Variants in NECTIN3 observed in about 807,000 individuals in gnomAD.
NECTIN3 encodes the protein nectin cell adhesion molecule 3, also known as nectin-3.
Under a neutral mutation model 49.4 loss-of-function variants are expected in NECTIN3, and 8 were observed. The observed-to-expected ratio is 0.16, with a 90% CI of 0.10 to 0.29. The LOEUF is 0.29. Among genes scored for constraint, NECTIN3 ranks in the 10% least tolerant of loss-of-function variants. The pLI, the probability that NECTIN3 is intolerant of heterozygous loss-of-function variation, is 1.00. For missense variants in NECTIN3, 581 were observed against 654.6 expected (o/e 0.89, Z 1.23); for synonymous variants, 277 against 241.1 (o/e 1.15, Z -1.38).
Position 111,137,375 on chromosome 3 carries a change from A to G in NECTIN3, c.*3160A>G, listed in dbSNP as rs2034617242. 2.4e-5 allele frequency: 23 copies of G among 962,654 alleles called. No individual in the cohort carries two copies. The highest frequency in any genetic ancestry group is 2.7e-5 in the Non-Finnish European group (22 of 809,942). The allele number at this position is 962,654 out of a possible 1,614,324, so 59.6% of individuals were successfully genotyped here. ...AGCTCCTTTCTCAAATTTTTTGTATATTGTGTTTGTGTTTGGGTTTTAGTT... is the reference window on the plus strand; with the variant it reads ...AGCTCCTTTCTCAAATTTTTTGTATGTTGTGTTTGTGTTTGGGTTTTAGTT... On this transcript the variant is annotated 3_prime_UTR_variant, in exon 6 of 6. Transcript: ENST00000485303.
chr3:111,187,725 A>G (rs1177938596), upstream of NECTIN3, among the ~76,000 whole-genome samples: 1 of 152,254 alleles, frequency 6.6e-6, no homozygotes, highest in Non-Finnish European at 1.5e-5. Flanking sequence ...TTTCCACTAT[A>G]TGATACTGTG....
chr3:111,172,746 C>G (rs1420077414), intron 7 of NECTIN3, among the ~76,000 whole-genome samples: 2 of 152,142 alleles, frequency 1.3e-5, no homozygotes, highest in Non-Finnish European at 2.9e-5. Context: ...CCTTGATCTG[C>G]CATTTACCAT....
At chr3:111,072,405 CGGGTCGCCGTGCGGATGGCCGA>C (rs1559759124) in intron 1 of NECTIN3, 2 of 1,519,116 alleles carry the variant, frequency 1.3e-6, no homozygotes, top group Non-Finnish European at 8.8e-7. Context: ...CGCGGCCGCG[CGGGTCGCCGTGCGGATGGCCGA>C]GGGTTGGCGA....
rs372187773 is a variant in NECTIN3, at chr3:111,124,605, G to A, written c.918-1579G>A. Among the ~76,000 whole-genome samples, 8 of 152,166 alleles carry A rather than the reference G, an allele frequency of 5.3e-5. No individual in the cohort carries two copies. The East Asian group carries it at 1.2e-3, about 22-fold the overall frequency. The stretch of plus-strand genomic sequence containing the variant: ...AAAAAGGTTAGGTGCTTTTGTTTTC[G>A]TTTTTTAAACCATGTAAGCATATTA... On this transcript the variant is annotated intron_variant, in intron 4 of 5. Transcript: ENST00000485303.
At chr3:111,140,455 G>A (rs1170662625), downstream of NECTIN3, among the ~76,000 whole-genome samples, 2 of 151,610 alleles carry the variant, frequency 1.3e-5, no homozygotes, top group African/African-American at 4.8e-5. Flanking sequence ...TTAAGAGTAA[G>A]ATATTTGTAT....
intron 5 of NECTIN3, 66 bp downstream of exon 5, chr3:111,126,401 T>C: frequency 7.4e-7 from 1 of 1,349,468 alleles, no homozygotes; most frequent in Non-Finnish European, 1.0e-6. Context: ...AGTAACAATA[T>C]GATCCTAAGC....
chr3:111,193,393 C>G (rs924616833), intron 1 of NECTIN3: 1 of 1,527,860 alleles, frequency 6.5e-7, no homozygotes, highest in African/African-American at 1.4e-5. Context: ...TTCTCTTTTT[C>G]CAATGGGCGT....
At chr3:111,161,860 T>A (rs913477798) in intron 7 of NECTIN3, among the ~76,000 whole-genome samples, 3 of 152,214 alleles carry the variant, frequency 2.0e-5, no homozygotes, top group Admixed American at 6.5e-5. Context: ...GGATTGTTTC[T>A]TCTACAGTAT....
chr3:111,184,832 C>G (rs973999776), intron 7 of NECTIN3, among the ~76,000 whole-genome samples: 2 of 149,442 alleles, frequency 1.3e-5, no homozygotes. Flanking sequence ...TCTTCTGGAA[C>G]CTGATCTTCT....
chr3:111,146,899 G>T (rs1559808068), intron 6 of NECTIN3, among the ~76,000 whole-genome samples: 1 of 152,080 alleles, frequency 6.6e-6, no homozygotes, highest in Non-Finnish European at 1.5e-5. Flanking sequence ...AAATGTAATG[G>T]TTATTTTGTT....
chr3:111,115,663 A>T (rs1318353928), intron 2 of NECTIN3, among the ~76,000 whole-genome samples: 1 of 152,216 alleles, frequency 6.6e-6, no homozygotes, highest in Non-Finnish European at 1.5e-5. Flanking sequence ...GAGTACTGTG[A>T]TGACACTTGT....
intron 1 of NECTIN3, chr3:111,072,461 G>A (rs888096090): frequency 6.5e-6 from 10 of 1,535,428 alleles, no homozygotes; most frequent in Admixed American, 3.9e-5. Context: ...GCCGAACTCC[G>A]GGTTTGCTCC....
At chr3:111,168,879 G>A (rs1161970890) in intron 7 of NECTIN3, among the ~76,000 whole-genome samples, 3 of 152,088 alleles carry the variant, frequency 2.0e-5, no homozygotes, top group African/African-American at 4.8e-5. Context: ...TGGATAGATC[G>A]TTAGATCTGC....
chr3:111,086,349 G>C (rs184328449), intron 1 of NECTIN3, among the ~76,000 whole-genome samples: 19 of 151,958 alleles, frequency 1.3e-4, no homozygotes, highest in Admixed American at 1.0e-3. Context: ...TTTTGTTTAG[G>C]AAATCTTTCT....
Position 111,184,092 on chromosome 3 carries a change from A to AT in NECTIN3, c.1222-8253dup, listed in dbSNP as rs926332726. ...ATAGATTCTGCCTTTAAGTACAGTG[A>AT]TTTTTTCTTCTTCAGTGTCTACTCT... On this transcript the variant is annotated intron_variant, in intron 7 of 8. Transcript: ENST00000493615. Among the ~76,000 whole-genome samples, 13 of 151,726 alleles carry AT rather than the reference A, an allele frequency of 8.6e-5. No homozygotes were observed. The East Asian group carries it at 1.2e-3, about 14-fold the overall frequency.
chr3:111,181,119 A>T (rs1459194585), intron 7 of NECTIN3, among the ~76,000 whole-genome samples: 1 of 152,050 alleles, frequency 6.6e-6, no homozygotes, highest in East Asian at 1.9e-4. Context: ...CACTACCACC[A>T]CCATCATCCC....
chr3:111,180,944 A>T (rs866871139), intron 7 of NECTIN3, among the ~76,000 whole-genome samples: 29 of 151,674 alleles, frequency 1.9e-4, no homozygotes, highest in African/African-American at 4.8e-4. Context: ...AGTTTTTTTT[A>T]AAAAAACTTT....
Position 111,072,088 on chromosome 3 carries a change from T to A in NECTIN3, c.71T>A (p.Leu24His), listed in dbSNP as rs1288129014. ...AAAGCACAACTTTCCTCCGCTTCTC[T>A]CCTCGGAGCCGGGCTCCTGCTGCAG... ...GGKAQLSSASLLGAGLLLQPP... is the reference protein window; with the variant it reads ...GGKAQLSSASHLGAGLLLQPP... Residue 24 changes from leucine (L) to histidine (H), a missense_variant, in exon 1 of 6, where the codon CTC becomes CAC. Leu to His is a moderately conservative substitution (Grantham distance 99). Around this residue, in one of 3 missense-constraint regions of NECTIN3, gnomAD observed 109 missense variants for 69.1 expected, o/e 1.58. Transcript: ENST00000485303. The A allele has an allele frequency of 6.5e-7, 1 of 1,549,472 alleles. No individual in the cohort carries two copies. The highest frequency in any genetic ancestry group is 2.0e-5 in the Admixed American group (1 of 50,906).
In NECTIN3 at chr3:111,136,586, C is replaced by T. The variant is rs2034583594; in HGVS notation, c.*2371C>T. On this transcript the variant is annotated 3_prime_UTR_variant, in exon 6 of 6. Transcript: ENST00000485303. ...AGACTTGTTTGAAAACATGAATAGT[C>T]ATTAAATAAAGACATTGTTAAATTA... 3.2e-6 allele frequency: 3 copies of T among 930,334 alleles called. No homozygotes were observed. The highest frequency in any genetic ancestry group is 3.6e-5 in the African/African-American group (2 of 55,836). The allele number at this position is 930,334 out of a possible 1,614,324, so 57.6% of individuals were successfully genotyped here. A position where few individuals can be genotyped will look rare whatever the true frequency, so the allele number is the denominator to read the frequency against.
Sources: allele counts gnomAD v4.1 joint callset (sites outside exome capture counted in the v4.1 genomes callset), GRCh38; gene constraint gnomAD v4.1.1; regional missense constraint gnomAD v4.1.1; transcripts MANE v1.5; gene names NCBI Gene and HGNC (gene_info 2026-07-23, HGNC 2026-07-21).